TMEM132D: variants seen among roughly 807,000 people sequenced by gnomAD.
TMEM132D encodes the protein mature OL transmembrane protein.
Under a neutral mutation model 62.3 loss-of-function variants are expected in TMEM132D, and 21 were observed. The ratio of observed to expected loss-of-function variants is 0.34; its 90% CI spans 0.24 to 0.49. The LOEUF (loss-of-function observed/expected upper bound fraction) is 0.49, where lower values mean the gene tolerates loss of function less well. TMEM132D is among the 20% of genes least tolerant of loss of function. The pLI, the probability that TMEM132D is intolerant of heterozygous loss-of-function variation, is 0.99. For missense variants in TMEM132D, 1,346 were observed against 1,402.8 expected (o/e 0.96, Z 0.65); for synonymous variants, 621 against 575.6 (o/e 1.08, Z -1.13).
chr12:129,254,038 C>T (rs1880339119), intron 4 of TMEM132D, among the ~76,000 whole-genome samples: 1 of 152,208 alleles, frequency 6.6e-6, no homozygotes, highest in Non-Finnish European at 1.5e-5. Flanking sequence ...CAAAAACGGA[C>T]TTGGTGTATC....
intron 3 of TMEM132D, among the ~76,000 whole-genome samples, chr12:129,505,716 A>G (rs1317539644): frequency 2.6e-5 from 4 of 152,134 alleles, no homozygotes; most frequent in East Asian, 1.9e-4. Flanking sequence ...TGTTAGGTGC[A>G]TATATATTCA....
intron 1 of TMEM132D, among the ~76,000 whole-genome samples, chr12:129,756,088 A>C (rs565681932): frequency 3.3e-4 from 50 of 152,288 alleles, no homozygotes; most frequent in African/African-American, 1.2e-3. Context: ...AGACTCAGGG[A>C]GGCGAAGAGT....
intron 4 of TMEM132D, among the ~76,000 whole-genome samples, chr12:129,289,255 C>T (rs1304127214): frequency 6.6e-6 from 1 of 152,152 alleles, no homozygotes; most frequent in Non-Finnish European, 1.5e-5. Context: ...CTAATTTTAA[C>T]TGCCCTGGCC....
intron 1 of TMEM132D, among the ~76,000 whole-genome samples, chr12:129,885,083 C>G (rs1874707761): frequency 6.6e-6 from 1 of 152,138 alleles, no homozygotes; most frequent in South Asian, 2.1e-4. Context: ...ACTATAGGGA[C>G]AGAATCAAAT....
chr12:129,273,681 C>T (rs1301115516), intron 4 of TMEM132D, among the ~76,000 whole-genome samples: 1 of 151,778 alleles, frequency 6.6e-6, no homozygotes, highest in Non-Finnish European at 1.5e-5. Flanking sequence ...AAACCAGTTA[C>T]CAAATGTTCT....
chr12:129,499,319 G>C (rs935489475), intron 3 of TMEM132D, among the ~76,000 whole-genome samples: 1 of 152,178 alleles, frequency 6.6e-6, no homozygotes, highest in Non-Finnish European at 1.5e-5. Context: ...GAGGTGAGGG[G>C]TGGCATTACT....
intron 2 of TMEM132D, among the ~76,000 whole-genome samples, chr12:129,585,815 A>ATG (rs34364323): frequency 0.65 from 95,880 of 147,608 alleles, 31,286 homozygotes; most frequent in East Asian, 0.78. Context: ...ATATGCATGC[A>ATG]TGTGTGTGTG....
intron 1 of TMEM132D, among the ~76,000 whole-genome samples, chr12:129,724,358 T>C (rs1338110533): frequency 6.6e-6 from 1 of 152,160 alleles, no homozygotes; most frequent in Non-Finnish European, 1.5e-5. Flanking sequence ...CATGGGTGGC[T>C]TTAAAGGCTG....
intron 3 of TMEM132D, among the ~76,000 whole-genome samples, chr12:129,357,615 AGAAGT>A (rs1870115233): frequency 6.6e-6 from 1 of 152,164 alleles, no homozygotes. Context: ...AAAGAAAGAA[AGAAGT>A]GAAGTGGCAA....
chr12:129,509,121 T>C (rs1165786827), intron 3 of TMEM132D, among the ~76,000 whole-genome samples: 1 of 152,164 alleles, frequency 6.6e-6, no homozygotes, highest in African/African-American at 2.4e-5. Context: ...CAGCTTGCTG[T>C]GCAGAAATGT....
At chr12:129,401,446 G>C (rs190785642) in intron 3 of TMEM132D, among the ~76,000 whole-genome samples, 1 of 152,282 alleles carries the variant, frequency 6.6e-6, no homozygotes, top group East Asian at 1.9e-4. Context: ...GCATGAGCCT[G>C]TAGTCCCAGC....
chr12:129,605,388 A>T (rs575512152), intron 2 of TMEM132D, among the ~76,000 whole-genome samples: 2 of 151,980 alleles, frequency 1.3e-5, no homozygotes, highest in East Asian at 3.9e-4. Context: ...CATGCACCCT[A>T]CTTTAAATCT....
chr12:129,100,617 A>T (rs1202644806), intron 5 of TMEM132D, among the ~76,000 whole-genome samples: 1 of 152,228 alleles, frequency 6.6e-6, no homozygotes, highest in Non-Finnish European at 1.5e-5. Flanking sequence ...GCAATGCTTG[A>T]CATATAATAA....
At chr12:129,374,076 G>A (rs1474731239) in intron 3 of TMEM132D, among the ~76,000 whole-genome samples, 1 of 152,190 alleles carries the variant, frequency 6.6e-6, no homozygotes, top group East Asian at 1.9e-4. Context: ...ATTCCCCAAA[G>A]AGTAAAGATG....
intron 4 of TMEM132D, among the ~76,000 whole-genome samples, chr12:129,314,700 T>C (rs12424663): frequency 0.018 from 2,729 of 152,308 alleles, 79 homozygotes; most frequent in Admixed American, 0.075. Flanking sequence ...AATTTGTAGA[T>C]TGCTTTTGGC....
At chr12:129,231,848 A>C (rs1879649132) in intron 4 of TMEM132D, among the ~76,000 whole-genome samples, 1 of 152,236 alleles carries the variant, frequency 6.6e-6, no homozygotes, top group African/African-American at 2.4e-5. Flanking sequence ...GTCCTGGGGC[A>C]CCTGAGGTTG....
Position 129,903,143 on chromosome 12 carries a change from G to A in TMEM132D, c.79+118C>T. The A allele has an allele frequency of 9.3e-7, 1 of 1,074,046 alleles. No homozygotes were observed. Among genetic ancestry groups the A allele is most frequent in the Non-Finnish European group, 1.4e-6 (1 of 734,074 alleles). 66.5% of individuals were successfully genotyped at this position (1,074,046 alleles called of 1,614,324 possible). A position where few individuals can be genotyped will look rare whatever the true frequency, so the allele number is the denominator to read the frequency against. On this transcript the variant is annotated intron_variant, in intron 1 of 8. Coordinates refer to ENST00000422113, the MANE Select transcript of TMEM132D (RefSeq NM_133448.3). This position sits in a 1 kb window ranked among gnomAD's most constrained non-coding sequence, Gnocchi z 6.2. ...CGCGCACACACACATGCACACAAGC[G>A]CGCACACACACTTGCACACGAGCCC...
chr12:129,701,582 G>T (rs1881386815), intron 1 of TMEM132D, among the ~76,000 whole-genome samples: 1 of 152,240 alleles, frequency 6.6e-6, no homozygotes, highest in African/African-American at 2.4e-5. Context: ...TCATTTTTCC[G>T]CACTGAACGT....
chr12:129,152,615 A>T (rs1208617698), intron 5 of TMEM132D, among the ~76,000 whole-genome samples: 1 of 152,142 alleles, frequency 6.6e-6, no homozygotes, highest in Non-Finnish European at 1.5e-5. Flanking sequence ...TGCTCACTAG[A>T]TGGGGAGAGA....
Sources: allele counts gnomAD v4.1 joint callset (sites outside exome capture counted in the v4.1 genomes callset), GRCh38; gene constraint gnomAD v4.1.1; non-coding constraint Gnocchi (gnomAD v3.1); transcripts MANE v1.5; gene names NCBI Gene and HGNC (gene_info 2026-07-23, HGNC 2026-07-21).